The following GSE1 variants were observed in gnomAD, a reference collection of about 807,000 sequenced individuals.
The protein encoded by GSE1 is Gse1 coiled-coil protein, also known as genetic suppressor element 1.
A neutral mutation model predicts 112.6 loss-of-function variants in GSE1; 32 were observed. The observed-to-expected ratio is 0.28, with a 90% CI of 0.21 to 0.38. GSE1 has a LOEUF of 0.38. Among genes scored for constraint, GSE1 ranks in the 10% least tolerant of loss-of-function variants. The probability of loss-of-function intolerance (pLI) is 1.00; values close to 1 mark genes in which losing one functional copy is unlikely to be tolerated. For synonymous variants in GSE1, 1,115 were observed against 735.6 expected (o/e 1.52, Z -8.35); for missense variants, 2,348 against 1,699.2 (o/e 1.38, Z -6.71).
At chr16:85,415,163 C>G (rs903629786) in intron 2 of GSE1, among the ~76,000 whole-genome samples, 2 of 152,174 alleles carry the variant, frequency 1.3e-5, no homozygotes, top group Non-Finnish European at 2.9e-5. Flanking sequence ...TGGTCTTGAA[C>G]CCCCGTACTC....
At chr16:85,457,000 C>A (rs1159537945) in intron 2 of GSE1, among the ~76,000 whole-genome samples, 1 of 152,196 alleles carries the variant, frequency 6.6e-6, no homozygotes, top group Non-Finnish European at 1.5e-5. Context: ...GCTTCCGCAG[C>A]CTCCTTTCTG....
Position 85,178,385 on chromosome 16 carries a change from G to A in GSE1, c.2283+6578G>A, listed in dbSNP as rs141445685. 6.3e-3 allele frequency among the ~76,000 whole-genome samples: 954 copies of A among 152,204 alleles called. 13 individuals carry two copies. Among genetic ancestry groups the A allele is most frequent in the African/African-American group, 0.018 (764 of 41,516 alleles). ...AGAAGAGGGGACGGGCACGAGGGGT[G>A]GGCAGGACCAGCATTCCCGGCGGTG... On this transcript the variant is annotated intron_variant, in intron 1 of 2. Transcript: ENST00000637419.
chr16:85,636,752 T>A (rs1450621334), intron 2 of GSE1, among the ~76,000 whole-genome samples: 1 of 152,106 alleles, frequency 6.6e-6, no homozygotes, highest in Non-Finnish European at 1.5e-5. Flanking sequence ...CGGTCCCTGC[T>A]GGAAAGGAAG....
At chr16:85,669,614 C>G (rs1334071769) in intron 14 of GSE1, among the ~76,000 whole-genome samples, 1 of 152,206 alleles carries the variant, frequency 6.6e-6, no homozygotes, top group Non-Finnish European at 1.5e-5. Context: ...TGATTTTTAA[C>G]TCTCCTAGAT....
At chr16:85,409,612 TG>T (rs1231301870) in intron 2 of GSE1, among the ~76,000 whole-genome samples, 1 of 7,870 alleles carries the variant, frequency 1.3e-4, no homozygotes, top group African/African-American at 1.6e-4. Context: ...AGGGCCCCCC[TG>T]GATAATCCTC....
intron 1 of GSE1, among the ~76,000 whole-genome samples, chr16:85,618,950 C>T (rs1311466284): frequency 2.0e-5 from 3 of 152,236 alleles, no homozygotes; most frequent in Non-Finnish European, 4.4e-5. Context: ...AGGCATGAGC[C>T]ACTGTGTCCA....
chr16:85,453,305 C>T (rs1291664466), intron 2 of GSE1, among the ~76,000 whole-genome samples: 1 of 152,148 alleles, frequency 6.6e-6, no homozygotes, highest in Non-Finnish European at 1.5e-5. Context: ...ACCTCCCTTC[C>T]CTCCGCGGAG....
At position 85,357,636 on chromosome 16, in the gene GSE1, T is replaced by G. The variant is rs1347902666; in HGVS notation, c.2457T>G (p.Thr819=). The change falls in exon 2 of 3, where the codon ACT becomes ACG. Residue 819 remains threonine, a synonymous_variant. Coordinates refer to the GSE1 transcript ENST00000637419. ...GGGAGGAGGACGGACCAGACCTTAC[T>G]GGTGCAGGTAGACGCCAGCTCTTTT... 3.9e-6 allele frequency: 5 copies of G among 1,288,676 alleles called. No homozygotes were observed. The African/African-American group carries it at 7.6e-5, about 20-fold the overall frequency. 79.8% of individuals were successfully genotyped at this position (1,288,676 alleles called of 1,614,324 possible). A position where few individuals can be genotyped will look rare whatever the true frequency, so the allele number is the denominator to read the frequency against.
intron 1 of GSE1, among the ~76,000 whole-genome samples, chr16:85,244,847 C>T (rs780916736): frequency 1.3e-5 from 2 of 151,992 alleles, no homozygotes; most frequent in South Asian, 2.1e-4. Context: ...AAAAATTAGC[C>T]GTGCGTGATG....
At chr16:85,526,357 C>T (rs1001484447) in intron 2 of GSE1, among the ~76,000 whole-genome samples, 3 of 152,238 alleles carry the variant, frequency 2.0e-5, no homozygotes, top group Admixed American at 1.3e-4. Flanking sequence ...CACTGGCCCC[C>T]GACCCTCAGG....
chr16:85,419,714 A>G lies in GSE1; in HGVS notation c.2464+62071A>G, dbSNP rs1313153528. Among the ~76,000 whole-genome samples the G allele has an allele frequency of 1.3e-5, 2 of 152,126 alleles. No individual in the cohort carries two copies. The highest frequency in any genetic ancestry group is 2.9e-5 in the Non-Finnish European group (2 of 68,022). ...TGTGCAACGGTGAATGCACGTTGGA[A>G]TCAGCTGGGGATCTCTAAAAACCCC... On this transcript the variant is annotated intron_variant, in intron 2 of 2. Transcript: ENST00000637419. This position sits in a 1 kb window ranked among gnomAD's most constrained non-coding sequence, Gnocchi z 6.5.
intron 1 of GSE1, among the ~76,000 whole-genome samples, chr16:85,327,811 G>T (rs1272582162): frequency 6.6e-6 from 1 of 152,200 alleles, no homozygotes; most frequent in African/African-American, 2.4e-5. Context: ...CAAAACTGAG[G>T]TCCCGGGGGG....
intron 2 of GSE1, among the ~76,000 whole-genome samples, chr16:85,396,304 T>A (rs900768): frequency 6.6e-6 from 1 of 152,288 alleles, no homozygotes; most frequent in African/African-American, 2.4e-5. Context: ...TGGGAGTGGG[T>A]GGCCGTGTTG....
rs757069622 is a variant in GSE1, at chr16:85,661,188, G to A, written c.1683G>A (p.Pro561=). The A allele has an allele frequency of 9.4e-5, 151 of 1,603,186 alleles. No individual in the cohort carries two copies. Among genetic ancestry groups the A allele is most frequent in the Non-Finnish European group, 1.2e-4 (142 of 1,172,428 alleles). ...ACGAGCCAGGTGGCCGTGACCCTCC[G>A]CAGCACTTTGGGGGGCCACCACCTC... is the stretch of plus-strand genomic sequence containing the variant. ...NRHEPGGRDP[P]QHFGGPPPLI... is the part of the protein sequence containing the mutation. The change falls in exon 9 of 16, where the codon CCG becomes CCA. Residue 561 remains proline, a synonymous_variant. Transcript: ENST00000253458.
chr16:85,278,486 A>G (rs1483932188), intron 1 of GSE1, among the ~76,000 whole-genome samples: 1 of 152,224 alleles, frequency 6.6e-6, no homozygotes, highest in East Asian at 1.9e-4. Flanking sequence ...GTCAGACTCT[A>G]TGATCCTGAA....
chr16:85,477,679 G>A (rs1044425151), intron 2 of GSE1, among the ~76,000 whole-genome samples: 2 of 151,006 alleles, frequency 1.3e-5, no homozygotes, highest in African/African-American at 2.4e-5. Flanking sequence ...TCCTGCTTCA[G>A]CCTCCTGAGT....
chr16:85,291,761 A>G (rs2151440860), intron 1 of GSE1, among the ~76,000 whole-genome samples: 1 of 152,336 alleles, frequency 6.6e-6, no homozygotes, highest in South Asian at 2.1e-4. Flanking sequence ...CCCAGAGGCC[A>G]GAGGCCACCT....
intron 15 of GSE1, 158 bp from the exon 16 acceptor site, chr16:85,672,247 G>A (rs764762970): frequency 1.6e-5 from 10 of 621,540 alleles, no homozygotes; most frequent in Admixed American, 1.2e-4. Flanking sequence ...TGCCCGCCTC[G>A]ACCTCCAAAA....
At chr16:85,173,791 G>A (rs1247607289) in intron 1 of GSE1, among the ~76,000 whole-genome samples, 1 of 152,244 alleles carries the variant, frequency 6.6e-6, no homozygotes, top group Non-Finnish European at 1.5e-5. Context: ...GGAAGGGGGA[G>A]TGGACAGTAG....
Sources: gnomAD v4.1 joint callset for allele counts (sites outside exome capture counted in the v4.1 genomes callset) on GRCh38, gnomAD v4.1.1 for gene constraint, Gnocchi (gnomAD v3.1) non-coding constraint, MANE v1.5 for transcripts, NCBI Gene and HGNC (gene_info 2026-07-23, HGNC 2026-07-21) for gene names.